ASPHD1: variants seen among roughly 807,000 people sequenced by gnomAD.
ASPHD1 encodes the protein aspartate beta-hydroxylase domain-containing protein 1.
In ASPHD1, 20 loss-of-function variants were observed where a neutral mutation model predicts 28.3. The ratio of observed to expected loss-of-function variants is 0.71; its 90% CI spans 0.50 to 1.03. ASPHD1 has a LOEUF of 1.03. Among genes scored for constraint, ASPHD1 ranks in the 50% least tolerant of loss-of-function variants. The pLI is 0.00. For missense variants in ASPHD1, 479 were observed against 524.1 expected, an observed-to-expected ratio of 0.91 and a Z score of 0.84; for synonymous variants, 240 against 221.2, an observed-to-expected ratio of 1.08 and a Z score of -0.75.
intron 1 of ASPHD1, among the ~76,000 whole-genome samples, chr16:29,903,316 A>G (rs2068571524): frequency 6.6e-6 from 1 of 151,916 alleles, no homozygotes; most frequent in African/African-American, 2.4e-5. Flanking sequence ...AGATCACAAC[A>G]TTGCACTCCA....
intron 1 of ASPHD1, among the ~76,000 whole-genome samples, chr16:29,903,071 G>A (rs1416486213): frequency 1.3e-5 from 2 of 150,756 alleles, no homozygotes; most frequent in African/African-American, 4.9e-5. Flanking sequence ...AAAAATTTAC[G>A]TAGGCCAGGC....
At chr16:29,910,379 A>G (rs1260452073), downstream of ASPHD1, among the ~76,000 whole-genome samples, 1 of 151,788 alleles carries the variant, frequency 6.6e-6, no homozygotes, top group Non-Finnish European at 1.5e-5. Context: ...GCCTGGTGAC[A>G]CAACGAGACT....
chr16:29,906,935 A>G, downstream of ASPHD1: 3 of 1,614,156 alleles, frequency 1.9e-6, no homozygotes, highest in Non-Finnish European at 2.5e-6. Context: ...GGCGCCGGAC[A>G]TGGATCCTGC....
chr16:29,916,964 C>G (rs2068821243), intron 3 of ASPHD1, among the ~76,000 whole-genome samples: 1 of 152,174 alleles, frequency 6.6e-6, no homozygotes, highest in Admixed American at 6.6e-5. Context: ...CTTAGGGATG[C>G]CTGAGTGTCC....
exon 4 of ASPHD1, chr16:29,919,575 T>G (rs1274642407): frequency 6.6e-6 from 1 of 152,158 alleles, no homozygotes; most frequent in African/African-American, 2.4e-5. Flanking sequence ...CCTGGTTTGA[T>G]GAACCAGCTG....
chr16:29,907,292 A>G (rs1023810399), downstream of ASPHD1, among the ~76,000 whole-genome samples: 1 of 152,212 alleles, frequency 6.6e-6, no homozygotes, highest in Non-Finnish European at 1.5e-5. Flanking sequence ...CTCTGAAGTC[A>G]GGCAGGCAGA....
chr16:29,912,154 G>T, intron 3 of ASPHD1: 2 of 750,244 alleles, frequency 2.7e-6, no homozygotes. Context: ...ACTCCTCAGT[G>T]GTCCGCAGGG....
chr16:29,914,993 G>C (rs1488890272), intron 3 of ASPHD1: 1 of 152,266 alleles, frequency 6.6e-6, no homozygotes, highest in Non-Finnish European at 1.5e-5. Flanking sequence ...AAAAAAAGTG[G>C]GGCAGGGGAC....
chr16:29,917,458 C>A (rs774725507), intron 3 of ASPHD1, among the ~76,000 whole-genome samples: 12 of 151,978 alleles, frequency 7.9e-5, no homozygotes, highest in Non-Finnish European at 1.6e-4. Context: ...ACCAGCTTGA[C>A]CAACATGGCA....
rs201351453 is a variant in ASPHD1, at chr16:29,905,946, G to A, written c.*49G>A. ...CCAGGCTGGAGAGACACTGCGCTCA[G>A]GGACGGCTTGATGGTAGCCAGGACC... On this transcript the variant is annotated 3_prime_UTR_variant, in exon 3 of 3. Coordinates refer to ENST00000308748, the MANE Select transcript of ASPHD1 (RefSeq NM_181718.4). 3.4e-6 allele frequency: 5 copies of A among 1,484,936 alleles called. No individual in the cohort carries two copies. Among genetic ancestry groups the A allele is most frequent in the African/African-American group, 1.4e-5 (1 of 72,130 alleles). 92.0% of individuals were successfully genotyped at this position (1,484,936 alleles called of 1,614,324 possible).
chr16:29,902,522 C>CT, intron 1 of ASPHD1, among the ~76,000 whole-genome samples: 1 of 152,084 alleles, frequency 6.6e-6, no homozygotes, highest in Non-Finnish European at 1.5e-5. Flanking sequence ...ACACTTTTTT[C>CT]TTTTTTGAGG....
At position 29,900,656 on chromosome 16, in the gene ASPHD1, A is replaced by C; in HGVS notation, c.-316A>C. On this transcript the variant is annotated 5_prime_UTR_variant, in exon 1 of 3. Coordinates refer to ENST00000308748, the MANE Select transcript of ASPHD1 (RefSeq NM_181718.4). ...GTCGGGGCTAGTGAGGAGCGAGGGC[A>C]AGGAGAGAGCAGTGAGGCCGGAGAG... The C allele has an allele frequency of 2.2e-6, 1 of 456,030 alleles. No individual in the cohort carries two copies. 28.2% of individuals were successfully genotyped at this position (456,030 alleles called of 1,614,324 possible).
chr16:29,905,700 C>T (rs1355010094), intron 2 of ASPHD1, 88 bp from the exon 3 acceptor site: 2 of 580,280 alleles, frequency 3.4e-6, no homozygotes, highest in African/African-American at 3.9e-5. Flanking sequence ...CACTTATTTA[C>T]TGTTTGCTTT....
At chr16:29,915,126 C>T (rs1195019050) in intron 3 of ASPHD1, 2 of 152,182 alleles carry the variant, frequency 1.3e-5, no homozygotes, top group African/African-American at 2.4e-5. Context: ...CCATGGCTCT[C>T]CCTGAGTCGT....
chr16:29,902,191 T>C (rs2068559090), intron 1 of ASPHD1, among the ~76,000 whole-genome samples: 1 of 152,208 alleles, frequency 6.6e-6, no homozygotes, highest in South Asian at 2.1e-4. Context: ...GAAATATTTA[T>C]AGCACTATCA....
Position 29,901,967 on chromosome 16 carries a change from C to A in ASPHD1, c.949+47C>A. ...ACAACCTCCTTGCCTCGATGATTTCCCCCCCAGACCCTTCTCTCCGCCAGA... is the reference window on the plus strand; with the variant it reads ...ACAACCTCCTTGCCTCGATGATTTCACCCCCAGACCCTTCTCTCCGCCAGA... On this transcript the variant is annotated intron_variant, in intron 1 of 2. Transcript: ENST00000308748. This position sits in a 1 kb window ranked among gnomAD's most constrained non-coding sequence, Gnocchi z 5.1. 2 of 1,367,210 alleles carry A rather than the reference C, an allele frequency of 1.5e-6. No homozygotes were observed. The highest frequency in any genetic ancestry group is 1.9e-6 in the Non-Finnish European group (2 of 1,044,856). 84.7% of individuals were successfully genotyped at this position (1,367,210 alleles called of 1,614,324 possible). A position where few individuals can be genotyped will look rare whatever the true frequency, so the allele number is the denominator to read the frequency against.
Position 29,900,984 on chromosome 16 carries a change from A to G in ASPHD1, c.13A>G (p.Arg5Gly). 1 of 1,554,232 alleles carries G rather than the reference A, an allele frequency of 6.4e-7. No individual in the cohort carries two copies. Residue 5 changes from arginine to glycine, a missense_variant, in exon 1 of 3, where the codon AGA becomes GGA. Coordinates refer to ENST00000308748, the MANE Select transcript of ASPHD1 (RefSeq NM_181718.4). Reference sequence around the variant, plus strand: ...GGGTTGGAGGTGCATGAAGGAGGGGAGAGGGAGCTTCAGCGTGGAGAGAGG... The same window carrying G: ...GGGTTGGAGGTGCATGAAGGAGGGGGGAGGGAGCTTCAGCGTGGAGAGAGG... Reference protein sequence around the residue: MKEGRGSFSVERGPR... With the variant: MKEGGGSFSVERGPR...
At chr16:29,911,817 G>C in intron 3 of ASPHD1, 1 of 1,612,660 alleles carries the variant, frequency 6.2e-7, no homozygotes. Context: ...GCGGTCACCT[G>C]GTGTAGGAGT....
chr16:29,906,673 G>A (rs1368601308), downstream of ASPHD1: 9 of 688,246 alleles, frequency 1.3e-5, no homozygotes, highest in Admixed American at 2.0e-5. Flanking sequence ...TCTGAGTGGT[G>A]GGGCCGGAAT....
Sources: gnomAD v4.1 joint callset for allele counts (sites outside exome capture counted in the v4.1 genomes callset) on GRCh38, gnomAD v4.1.1 for gene constraint, Gnocchi (gnomAD v3.1) non-coding constraint, MANE v1.5 for transcripts, NCBI Gene and HGNC (gene_info 2026-07-23, HGNC 2026-07-21) for gene names.